BRWD3: variants seen among roughly 807,000 people sequenced by gnomAD.
BRWD3 encodes bromodomain and WD repeat domain containing 3, also known as bromodomain and WD repeat-containing protein 3.
Under a neutral mutation model 149.7 loss-of-function variants are expected in BRWD3, and 10 were observed. That is an observed-to-expected ratio of 0.07 (90% CI 0.04 to 0.11). The LOEUF is 0.11. Among genes scored for constraint, BRWD3 ranks in the 10% least tolerant of loss-of-function variants. The pLI, the probability that BRWD3 is intolerant of heterozygous loss-of-function variation, is 1.00. For synonymous variants in BRWD3, 504 were observed against 456.7 expected, an observed-to-expected ratio of 1.10 and a Z score of -1.32; for missense variants, 940 against 1,373.2, an observed-to-expected ratio of 0.68 and a Z score of 4.99.
chrX:80,767,162 AAACCTC>A (rs1290956044), intron 6 of BRWD3, among the ~76,000 whole-genome samples: 2 of 112,292 alleles, frequency 1.8e-5, no homozygotes, highest in African/African-American at 6.5e-5. Context: ...CTGCACAGGT[AAACCTC>A]CCTGTCTGAC....
In BRWD3 at chrX:80,707,439, T is replaced by C. The variant is rs764040431; in HGVS notation, c.2540A>G (p.Glu847Gly). The C allele has an allele frequency of 8.3e-7, 1 of 1,210,522 alleles. No individual in the cohort carries two copies. Among genetic ancestry groups the C allele is most frequent in the Admixed American group, 2.2e-5 (1 of 46,079 alleles). The change falls in exon 22 of 41, where the codon GAA (glutamate) becomes GGA (glycine). Residue 847 changes from glutamate to glycine, a missense_variant. Coordinates refer to ENST00000373275, the MANE Select transcript of BRWD3 (RefSeq NM_153252.5). Reference protein sequence around the residue: ...VEDPVVEWQSESSSSDSSSEY... With the variant: ...VEDPVVEWQSGSSSSDSSSEY... ...CCATTAAAACTACCTGGAAGAACTT[T>C]CACTTTGCCATTCAACAACAGGATC...
At position 80,686,937 on chromosome X, in the gene BRWD3, C is replaced by T; in HGVS notation, c.3931G>A (p.Glu1311Lys). 8.3e-7 allele frequency: 1 copy of T among 1,209,328 alleles called. No individual in the cohort carries two copies. Among genetic ancestry groups the T allele is most frequent in the South Asian group, 1.8e-5 (1 of 56,911 alleles). ...CGTTCATAAATGAGGCTCAATAGTT[C>T]CTTGCATTGTTTTTTCCAAGCATCA... Reference protein sequence around the residue: ...NPDAWKKQCKELLSLIYERED... With the variant: ...NPDAWKKQCKKLLSLIYERED... The change falls in exon 35 of 41, where the codon GAA becomes AAA. Residue 1311 changes from glutamate to lysine, a missense_variant. This residue lies in a region of BRWD3 where 349 missense variants were observed against 419.6 expected (regional missense o/e 0.83). Transcript: ENST00000373275.
At position 80,676,755 on chromosome X, in the gene BRWD3, T is replaced by G. The variant is rs1396842751; in HGVS notation, c.5263A>C (p.Arg1755=). The part of the protein sequence containing the change: ...PRIKTRNQGR[R]TVLYNDDSDN... ...GAATCATCATTATATAAAACAGTCC[T>G]CCTGCCTTGGTTTCTTGTTTTAATT... The change falls in exon 41 of 41, where the codon AGG becomes CGG. Residue 1755 remains arginine (R), a synonymous_variant. Transcript: ENST00000373275. 7 of 1,209,189 alleles carry G rather than the reference T, an allele frequency of 5.8e-6. No individual in the cohort carries two copies. Among genetic ancestry groups the G allele is most frequent in the Non-Finnish European group, 7.8e-6 (7 of 894,948 alleles).
chrX:80,786,908 A>G (rs989591111), intron 6 of BRWD3, among the ~76,000 whole-genome samples: 2 of 111,929 alleles, frequency 1.8e-5, no homozygotes, highest in African/African-American at 6.5e-5. Flanking sequence ...ATCAGAAAGG[A>G]AAAAGTAAAT....
At chrX:80,792,899 T>A (rs1457432905) in intron 5 of BRWD3, among the ~76,000 whole-genome samples, 3 of 110,273 alleles carry the variant, frequency 2.7e-5, no homozygotes, top group African/African-American at 9.9e-5. Flanking sequence ...CGCAGTGGTT[T>A]ACGCCTGTAA....
chrX:80,807,643 C>T (rs1037023278), intron 4 of BRWD3, among the ~76,000 whole-genome samples: 3 of 111,973 alleles, frequency 2.7e-5, no homozygotes, highest in African/African-American at 9.7e-5. Context: ...TAAAAAGGAT[C>T]ACCTGTTTTT....
intron 6 of BRWD3, among the ~76,000 whole-genome samples, chrX:80,759,896 C>T (rs2073784836): frequency 9.0e-6 from 1 of 111,154 alleles, no homozygotes; most frequent in Non-Finnish European, 1.9e-5. Context: ...ATTTCTCACT[C>T]CTTTTAACCC....
chrX:80,788,070 C>T (rs962399672), intron 6 of BRWD3, among the ~76,000 whole-genome samples: 2 of 104,958 alleles, frequency 1.9e-5, no homozygotes, highest in South Asian at 4.3e-4. Flanking sequence ...GGTGACAGAG[C>T]GAGACTCTGT....
chrX:80,726,916 T>G (rs1325872042), intron 14 of BRWD3, among the ~76,000 whole-genome samples: 1 of 110,554 alleles, frequency 9.0e-6, no homozygotes, highest in Admixed American at 9.7e-5. Flanking sequence ...TTTTCTGAGG[T>G]TCCTAACCAG....
chrX:80,744,292 G>C (rs1328985697), intron 7 of BRWD3, 39 bp from the exon 8 acceptor site: 15 of 828,406 alleles, frequency 1.8e-5, no homozygotes, highest in Non-Finnish European at 2.3e-5. Context: ...TAATGAAGCA[G>C]AAATTCACAA....
At chrX:80,732,098 T>C (rs2073341763) in intron 12 of BRWD3, among the ~76,000 whole-genome samples, 1 of 110,801 alleles carries the variant, frequency 9.0e-6, no homozygotes, top group Non-Finnish European at 1.9e-5. Context: ...AAAATTACTT[T>C]CAGGCTACGT....
chrX:80,704,745 C>A lies in BRWD3; in HGVS notation c.2654G>T (p.Ser885Ile). The change falls in exon 23 of 41, where the codon AGC becomes ATC. Residue 885 changes from serine (S) to isoleucine (I), a missense_variant. This residue lies in a region of BRWD3 where 158 missense variants were observed against 284.0 expected (regional missense o/e 0.56). Transcript: ENST00000373275. Reference sequence around the variant, plus strand: ...GGACTTCAAATTTTCCTCATCAGAGCTGCTGCATATTTTACGTGTTGTCTG... The same window carrying A: ...GGACTTCAAATTTTCCTCATCAGAGATGCTGCATATTTTACGTGTTGTCTG... ...TRQTTRKICSSSDEENLKSLE... is the reference protein window; with the variant it reads ...TRQTTRKICSISDEENLKSLE... The A allele has an allele frequency of 8.3e-7, 1 of 1,211,321 alleles. No individual in the cohort carries two copies. The highest frequency in any genetic ancestry group is 1.7e-5 in the African/African-American group (1 of 57,839).
chrX:80,733,540 A>G (rs755697540), intron 11 of BRWD3, 44 bp from the exon 12 acceptor site: 3 of 1,027,979 alleles, frequency 2.9e-6, no homozygotes, highest in African/African-American at 1.9e-5. Flanking sequence ...ACTTATTTGT[A>G]AAATGAATTA....
At chrX:80,765,215 T>G (rs1395451869) in intron 6 of BRWD3, among the ~76,000 whole-genome samples, 1 of 111,705 alleles carries the variant, frequency 9.0e-6, no homozygotes, top group East Asian at 2.8e-4. Context: ...GCCCAGCCAA[T>G]CACTTAAAGC....
chrX:80,771,627 T>G (rs1434258740), intron 6 of BRWD3, among the ~76,000 whole-genome samples: 46 of 111,466 alleles, frequency 4.1e-4, no homozygotes, highest in Admixed American at 1.8e-3. Context: ...GGGATCTAAT[T>G]AAACTAAAGA....
chrX:80,803,034 G>A (rs1361216728), intron 4 of BRWD3, among the ~76,000 whole-genome samples: 1 of 107,902 alleles, frequency 9.3e-6, no homozygotes, highest in African/African-American at 3.5e-5. Context: ...CCCGGGAGGC[G>A]GAGCTTGCAG....
intron 8 of BRWD3, among the ~76,000 whole-genome samples, chrX:80,742,906 G>A (rs1297886550): frequency 9.0e-6 from 1 of 111,054 alleles, no homozygotes; most frequent in Non-Finnish European, 1.9e-5. Context: ...CTGCCTGATT[G>A]CCCTGGCCAG....
At chrX:80,743,974 T>C (rs1451490038) in intron 8 of BRWD3, 58 bp downstream of exon 8, 2 of 971,571 alleles carry the variant, frequency 2.1e-6, no homozygotes, top group Admixed American at 2.3e-5. Flanking sequence ...TAACATGAAA[T>C]CAGAGAATTC....
At chrX:80,726,615 A>G (rs1210500273) in intron 14 of BRWD3, among the ~76,000 whole-genome samples, 5 of 110,514 alleles carry the variant, frequency 4.5e-5, no homozygotes, top group Non-Finnish European at 9.5e-5. Flanking sequence ...AAAAATGATC[A>G]TATCCTGCAA....
Sources: allele counts gnomAD v4.1 joint callset (sites outside exome capture counted in the v4.1 genomes callset), GRCh38; gene constraint gnomAD v4.1.1; regional missense constraint gnomAD v4.1.1; transcripts MANE v1.5; gene names NCBI Gene and HGNC (gene_info 2026-07-23, HGNC 2026-07-21).